ABCC4: variants seen among roughly 807,000 people sequenced by gnomAD.
ABCC4 encodes the protein ATP binding cassette subfamily C member 4 (PEL blood group).
Under a neutral mutation model 168.5 loss-of-function variants are expected in ABCC4, and 102 were observed. That is an observed-to-expected ratio of 0.61 (90% CI 0.52 to 0.71). The LOEUF (loss-of-function observed/expected upper bound fraction) is 0.71, where lower values mean the gene tolerates loss of function less well. Among genes scored for constraint, ABCC4 ranks in the 30% least tolerant of loss-of-function variants. The pLI, the probability that ABCC4 is intolerant of heterozygous loss-of-function variation, is 0.00. For missense variants in ABCC4, 1,402 were observed against 1,605.8 expected, an observed-to-expected ratio of 0.87 and a Z score of 2.17; for synonymous variants, 617 against 590.7, an observed-to-expected ratio of 1.04 and a Z score of -0.65.
At chr13:95,261,266 T>C (rs1171443209) in intron 1 of ABCC4, among the ~76,000 whole-genome samples, 3 of 151,824 alleles carry the variant, frequency 2.0e-5, no homozygotes, top group East Asian at 1.9e-4. Context: ...TTGACCAAAA[T>C]AGCGAAACCC....
At chr13:95,237,216 A>G (rs926178789) in intron 3 of ABCC4, among the ~76,000 whole-genome samples, 1 of 152,246 alleles carries the variant, frequency 6.6e-6, no homozygotes, top group Non-Finnish European at 1.5e-5. Context: ...GCCGAGAGAC[A>G]GCATTTAATA....
chr13:95,062,639 G>A, intron 26 of ABCC4, 65 bp downstream of exon 26: 5 of 1,429,410 alleles, frequency 3.5e-6, no homozygotes, highest in South Asian at 2.8e-5. Flanking sequence ...AGCAATAAGA[G>A]TAAAAGCAAT....
Position 95,071,689 on chromosome 13 carries a change from C to T in ABCC4, c.3183G>A (p.Leu1061=), listed in dbSNP as rs770607763. ...TTTCTTGTGATTTAATGAGTGCTGTCAGATGCTTCAGTACCAGAGGCCCAC... is the reference window on the plus strand; with the variant it reads ...TTTCTTGTGATTTAATGAGTGCTGTTAGATGCTTCAGTACCAGAGGCCCAC... ...SPGGPLVLKH[L]TALIKSQEKV... Residue 1061 remains leucine, a synonymous_variant, in exon 25 of 31, where the codon CTG becomes CTA. Transcript: ENST00000645237. 5.3e-6 allele frequency: 8 copies of T among 1,507,870 alleles called. No homozygotes were observed. Among genetic ancestry groups the T allele is most frequent in the Admixed American group, 4.7e-5 (2 of 42,600 alleles). The allele number at this position is 1,507,870 out of a possible 1,614,324, so 93.4% of individuals were successfully genotyped here. A position where few individuals can be genotyped will look rare whatever the true frequency, so the allele number is the denominator to read the frequency against.
Position 95,217,415 on chromosome 13 carries a change from C to T in ABCC4, c.532-6634G>A, listed in dbSNP as rs537662108. ...TCTTCATTTTAACAGATGTCTTTCCCCCCTCTCTAATAGTCCTTTTAAAAC... is the reference window on the plus strand; with the variant it reads ...TCTTCATTTTAACAGATGTCTTTCCTCCCTCTCTAATAGTCCTTTTAAAAC... On this transcript the variant is annotated intron_variant, in intron 4 of 30. Coordinates refer to ENST00000645237, the MANE Select transcript of ABCC4 (RefSeq NM_005845.5). 1.1e-3 allele frequency among the ~76,000 whole-genome samples: 170 copies of T among 152,092 alleles called. 1 individual carries two copies. The highest frequency in any genetic ancestry group is 3.9e-3 in the African/African-American group (162 of 41,480).
chr13:95,206,211 A>T (rs866558223), intron 8 of ABCC4, among the ~76,000 whole-genome samples: 3 of 152,334 alleles, frequency 2.0e-5, no homozygotes, highest in Middle Eastern at 3.4e-3. Flanking sequence ...TGGTGTTAAC[A>T]TAAGAGATGA....
At chr13:95,242,966 C>T (rs928145728) in intron 3 of ABCC4, among the ~76,000 whole-genome samples, 1 of 152,142 alleles carries the variant, frequency 6.6e-6, no homozygotes, top group Non-Finnish European at 1.5e-5. Context: ...AAAGTTCTAC[C>T]AGTTATTATG....
intron 19 of ABCC4, among the ~76,000 whole-genome samples, chr13:95,158,087 A>AG (rs1270921177): frequency 2.0e-5 from 3 of 151,808 alleles, no homozygotes; most frequent in African/African-American, 7.3e-5. Context: ...AAAAAAAAAA[A>AG]AAGAAACAGA....
chr13:95,197,465 G>C (rs1010885201), intron 8 of ABCC4, among the ~76,000 whole-genome samples: 1 of 152,196 alleles, frequency 6.6e-6, no homozygotes, highest in Non-Finnish European at 1.5e-5. Flanking sequence ...CAACAGATCT[G>C]AGTGGAGACA....
At chr13:95,151,541 A>G in intron 19 of ABCC4, among the ~76,000 whole-genome samples, 1 of 113,828 alleles carries the variant, frequency 8.8e-6, no homozygotes, top group African/African-American at 6.0e-5. Context: ...AAGAATGAAG[A>G]AGGAAGGAGG....
intron 3 of ABCC4, among the ~76,000 whole-genome samples, chr13:95,241,262 G>A (rs960890671): frequency 4.6e-5 from 7 of 151,748 alleles, no homozygotes; most frequent in Non-Finnish European, 1.0e-4. Context: ...CTACTCAGGA[G>A]GCAGAGGCAG....
chr13:95,197,796 G>C (rs1257418554), intron 8 of ABCC4, among the ~76,000 whole-genome samples: 1 of 152,138 alleles, frequency 6.6e-6, no homozygotes, highest in Non-Finnish European at 1.5e-5. Context: ...TTGCTGTTAA[G>C]ATAAGATCTC....
In ABCC4 at chr13:95,067,094, T is replaced by C. The variant is rs371230408; in HGVS notation, c.3211-4235A>G. Among the ~76,000 whole-genome samples the C allele has an allele frequency of 1.1e-3, 166 of 152,284 alleles. 4 individuals are homozygous for C. In the South Asian group the frequency reaches 0.032, roughly 30 times the overall value. ...GGAAACAGGCCAGACAGACCTAGTG[T>C]ACTGTGGGGCAGTGAGACCCATTTT... On this transcript the variant is annotated intron_variant, in intron 25 of 30. Transcript: ENST00000645237.
rs1454381643 is a variant in ABCC4, at chr13:95,098,922, ACT to A, written c.2536-15634_2536-15633del. ...GCAACTAGAATGCTCATATATTGCC[ACT>A]GGGTGTGTAAAATAGTACAACCATT... is the stretch of plus-strand genomic sequence containing the variant. On this transcript the variant is annotated intron_variant, in intron 20 of 30. Transcript: ENST00000645237. Among the ~76,000 whole-genome samples, 5 of 152,226 alleles carry A rather than the reference ACT, an allele frequency of 3.3e-5. No homozygotes were observed. In the East Asian group the frequency reaches 9.6e-4, roughly 29 times the overall value.
intron 8 of ABCC4, among the ~76,000 whole-genome samples, chr13:95,202,133 C>A (rs150922507): frequency 1.3e-5 from 2 of 152,104 alleles, no homozygotes; most frequent in Non-Finnish European, 2.9e-5. Context: ...ATAATGTCAG[C>A]GGGGCTCATC....
intron 19 of ABCC4, among the ~76,000 whole-genome samples, chr13:95,140,334 C>T (rs376641645): frequency 6.6e-6 from 1 of 152,162 alleles, no homozygotes; most frequent in Non-Finnish European, 1.5e-5. Context: ...CTACAGATTG[C>T]CCAAGGAATT....
chr13:95,029,648 C>T (rs1212458510), intron 30 of ABCC4, among the ~76,000 whole-genome samples: 2 of 152,106 alleles, frequency 1.3e-5, no homozygotes, highest in Non-Finnish European at 2.9e-5. Context: ...TATAAAGCTA[C>T]AAAACTTTGG....
intron 30 of ABCC4, among the ~76,000 whole-genome samples, chr13:95,034,277 T>G (rs1296823079): frequency 6.6e-6 from 1 of 152,244 alleles, no homozygotes; most frequent in Non-Finnish European, 1.5e-5. Context: ...GAGTACTATG[T>G]GCTCTATGCC....
At chr13:95,179,228 A>G (rs1349769646) in intron 11 of ABCC4, among the ~76,000 whole-genome samples, 5 of 152,304 alleles carry the variant, frequency 3.3e-5, no homozygotes, top group African/African-American at 1.2e-4. Flanking sequence ...CCATTCTCAG[A>G]GAAGGGATAA....
At chr13:95,134,200 G>A (rs2036066827) in intron 19 of ABCC4, among the ~76,000 whole-genome samples, 1 of 152,208 alleles carries the variant, frequency 6.6e-6, no homozygotes, top group African/African-American at 2.4e-5. Flanking sequence ...CCAAAAGGAG[G>A]AGGGGGAAAT....
Sources: allele counts gnomAD v4.1 joint callset (sites outside exome capture counted in the v4.1 genomes callset), GRCh38; gene constraint gnomAD v4.1.1; transcripts MANE v1.5; gene names NCBI Gene and HGNC (gene_info 2026-07-23, HGNC 2026-07-21).